TRAPPC2L: variants seen among roughly 807,000 people sequenced by gnomAD.
TRAPPC2L encodes trafficking protein particle complex subunit 2-like protein.
Under a neutral mutation model 13.2 loss-of-function variants are expected in TRAPPC2L, and 17 were observed. The ratio of observed to expected loss-of-function variants is 1.29; its 90% CI spans 0.88 to 1.93. TRAPPC2L has a LOEUF of 1.93. TRAPPC2L is among the 30% of genes most tolerant of loss of function. The pLI, the probability that TRAPPC2L is intolerant of heterozygous loss-of-function variation, is 0.00. For synonymous variants in TRAPPC2L, 150 were observed against 98.1 expected, an observed-to-expected ratio of 1.53 and a Z score of -3.12; for missense variants, 359 against 252.1, an observed-to-expected ratio of 1.42 and a Z score of -2.87.
chr16:88,859,794 T>C (rs1433669013), intron 3 of TRAPPC2L, 44 bp downstream of exon 3: 2 of 1,593,624 alleles, frequency 1.3e-6, no homozygotes, highest in African/African-American at 2.7e-5. Context: ...GGGTGTTTTG[T>C]TTTTCCTTTT....
At chr16:88,860,373 T>C in exon 4 of TRAPPC2L, 1 of 638,248 alleles carries the variant, frequency 1.6e-6, no homozygotes, top group East Asian at 2.7e-5. Flanking sequence ...TGCAGGTGTC[T>C]TCCGAATAGT....
chr16:88,859,331 C>T (rs1160830398), intron 2 of TRAPPC2L: 2 of 668,422 alleles, frequency 3.0e-6, no homozygotes, highest in East Asian at 2.9e-5. Flanking sequence ...TTCACGAAGC[C>T]TCTGGTTTTG....
chr16:88,861,638 G>A (rs1007172878), exon 4 of TRAPPC2L: 3 of 498,244 alleles, frequency 6.0e-6, no homozygotes, highest in East Asian at 6.0e-5. Flanking sequence ...ACTTGATGAC[G>A]TGGCTGACTA....
At chr16:88,858,247 G>T (rs1968110061) in intron 1 of TRAPPC2L, among the ~76,000 whole-genome samples, 1 of 152,192 alleles carries the variant, frequency 6.6e-6, no homozygotes, top group South Asian at 2.1e-4. Context: ...AGTATTGAGG[G>T]TGCTGTATTT....
At chr16:88,861,588 C>T (rs765846973) in exon 4 of TRAPPC2L, 2 of 472,596 alleles carry the variant, frequency 4.2e-6, no homozygotes, top group Middle Eastern at 3.3e-4. Flanking sequence ...TGAGGCACCC[C>T]CTCCTGCCTG....
chr16:88,858,663 G>A (rs774914905), exon 2 of TRAPPC2L: 3 of 1,613,530 alleles, frequency 1.9e-6, no homozygotes, highest in Non-Finnish European at 2.5e-6. Flanking sequence ...AGAACGAGCT[G>A]AAGTTCCACT....
chr16:88,858,572 G>T, intron 1 of TRAPPC2L, 47 bp from the exon 2 acceptor site: 2 of 1,593,774 alleles, frequency 1.3e-6, no homozygotes, highest in Non-Finnish European at 1.7e-6. Context: ...GCTGGTGTGC[G>T]CTGGGTGGAG....
chr16:88,858,625 C>T, exon 2 of TRAPPC2L: 2 of 1,612,636 alleles, frequency 1.2e-6, no homozygotes, highest in East Asian at 2.2e-5. Flanking sequence ...GCAGAATTAC[C>T]CCCTCTACAT....
chr16:88,862,436 C>G (rs1968449421), exon 4 of TRAPPC2L: 1 of 152,518 alleles, frequency 6.6e-6, no homozygotes, highest in South Asian at 2.1e-4. Context: ...GGACCCTTCC[C>G]CTTTGCCTTC....
exon 4 of TRAPPC2L, chr16:88,859,913 C>T (rs1342559953): frequency 2.5e-6 from 4 of 1,576,098 alleles, no homozygotes; most frequent in Non-Finnish European, 2.6e-6. Context: ...AGCTACACAA[C>T]TCCTACACAG....
rs1385625448 is a variant in TRAPPC2L, at chr16:88,858,809, G to T, written c.206+18G>T. The T allele has an allele frequency of 3.7e-6, 6 of 1,608,056 alleles. No homozygotes were observed. Among genetic ancestry groups the T allele is most frequent in the East Asian group, 2.2e-5 (1 of 44,784 alleles). ...TACAAGGTGTATCTTTCAGGGCAGG[G>T]TGTGTGTCAGGGAGGACCTACAGTT... On this transcript the variant is annotated intron_variant, in intron 2 of 3. Transcript: ENST00000565504.
Position 88,860,186 on chromosome 16 carries a change from G to A in TRAPPC2L, c.588G>A (p.Val196=), listed in dbSNP as rs142508417. 4.1e-4 allele frequency: 289 copies of A among 709,610 alleles called. No homozygotes were observed. The African/African-American group carries it at 4.7e-3, about 11-fold the overall frequency. 44.0% of individuals were successfully genotyped at this position (709,610 alleles called of 1,614,324 possible). Residue 196 remains valine (V), a synonymous_variant, in exon 4 of 4, where the codon GTG becomes GTA. Coordinates refer to ENST00000565504, the Ensembl canonical transcript of TRAPPC2L. ...CTCCAGCGCATAAAGTGGATAGAGTGTGTGTGGTGTGGGGAGTAGAGCTTG... is the reference window on the plus strand; with the variant it reads ...CTCCAGCGCATAAAGTGGATAGAGTATGTGTGGTGTGGGGAGTAGAGCTTG...
intron 1 of TRAPPC2L, 75 bp downstream of exon 1, chr16:88,857,258 G>A (rs1319590976): frequency 4.5e-6 from 6 of 1,328,616 alleles, no homozygotes; most frequent in Non-Finnish European, 6.1e-6. Context: ...TTCTTCCCTG[G>A]GCTTAGAAGG....
At chr16:88,857,051 C>CG (rs1472276800), upstream of TRAPPC2L, 6 of 1,445,724 alleles carry the variant, frequency 4.2e-6, no homozygotes, top group Admixed American at 5.1e-5. Context: ...ACCAGTGGGG[C>CG]GGGGCCTGAG....
At chr16:88,861,528 G>A (rs948698739) in exon 4 of TRAPPC2L, 9 of 401,144 alleles carry the variant, frequency 2.2e-5, no homozygotes, top group South Asian at 3.5e-5. Context: ...TCGTGGCCCC[G>A]CGGCGTTGGC....
exon 4 of TRAPPC2L, chr16:88,861,533 G>C (rs1026568553): frequency 2.4e-6 from 1 of 411,312 alleles, no homozygotes; most frequent in African/African-American, 2.1e-5. Flanking sequence ...GCCCCGCGGC[G>C]TTGGCTCAGC....
chr16:88,858,655 A>C (rs772909894), exon 2 of TRAPPC2L: 1 of 1,613,392 alleles, frequency 6.2e-7, no homozygotes, highest in South Asian at 1.1e-5. Flanking sequence ...CCCTACGGAG[A>C]ACGAGCTGAA....
chr16:88,858,662 T>G (rs764677487), exon 2 of TRAPPC2L: 1 of 1,613,500 alleles, frequency 6.2e-7, no homozygotes, highest in South Asian at 1.1e-5. Context: ...GAGAACGAGC[T>G]GAAGTTCCAC....
intron 3 of TRAPPC2L, 54 bp downstream of exon 3, chr16:88,859,804 T>C: frequency 1.3e-6 from 2 of 1,591,990 alleles, no homozygotes; most frequent in South Asian, 2.3e-5. Context: ...TTTTTCCTTT[T>C]TGACTTTGTT....
Sources: allele counts gnomAD v4.1 joint callset (sites outside exome capture counted in the v4.1 genomes callset), GRCh38; gene constraint gnomAD v4.1.1; transcripts MANE v1.5; gene names NCBI Gene and HGNC (gene_info 2026-07-23, HGNC 2026-07-21).